The following TOP3A variants were observed in gnomAD, a reference collection of about 807,000 sequenced individuals.
TOP3A encodes the protein DNA topoisomerase III alpha.
A neutral mutation model predicts 111.3 loss-of-function variants in TOP3A; 64 were observed. The ratio of observed to expected loss-of-function variants is 0.57; its 90% CI spans 0.47 to 0.71. The LOEUF (loss-of-function observed/expected upper bound fraction) is 0.71. Among genes scored for constraint, TOP3A ranks in the 30% least tolerant of loss-of-function variants. TOP3A has a pLI of 0.00. For synonymous variants in TOP3A, 484 were observed against 485.1 expected, an observed-to-expected ratio of 1.00 and a Z score of 0.03; for missense variants, 1,104 against 1,285.0, an observed-to-expected ratio of 0.86 and a Z score of 2.15.
chr17:18,279,807 C>T (rs1979641985), intron 17 of TOP3A, among the ~76,000 whole-genome samples: 1 of 152,204 alleles, frequency 6.6e-6, no homozygotes, highest in Admixed American at 6.5e-5. Context: ...CTGCCTCAGC[C>T]TCCTGACCAG....
chr17:18,305,080 T>A, intron 5 of TOP3A, 32 bp downstream of exon 5: 1 of 1,574,562 alleles, frequency 6.4e-7, no homozygotes, highest in Non-Finnish European at 8.7e-7. Flanking sequence ...AGTTCCAAAG[T>A]AGAGAAAGTC....
chr17:18,282,846 A>G lies in TOP3A; in HGVS notation c.1878-5T>C. On this transcript the variant is annotated splice_polypyrimidine_tract_variant and splice_region_variant and intron_variant, in intron 15 of 18. Transcript: ENST00000321105. ...TGGGCCAAGGCCTCGTCCAATCTGA[A>G]GAAAAGGCAAAGACAGACACCCATC... 6.2e-7 allele frequency: 1 copy of G among 1,614,028 alleles called. No individual in the cohort carries two copies.
chr17:18,275,116 C>A, intron 18 of TOP3A, 136 bp from the exon 19 acceptor site: 1 of 1,301,094 alleles, frequency 7.7e-7, no homozygotes, highest in South Asian at 1.5e-5. Flanking sequence ...CCCAGGAGTT[C>A]AAGATCAGCC....
At position 18,273,860 on chromosome 17, in the gene TOP3A, G is replaced by A. The variant is rs984137793; in HGVS notation, c.*942C>T. On this transcript the variant is annotated 3_prime_UTR_variant, in exon 19 of 19. Transcript: ENST00000321105. ...GCTGGTCTTGAACTCCTGATCTCAA[G>A]CAATCCTCCAGCCTTGGCCTCCCTA... 1 of 152,240 alleles carries A rather than the reference G, an allele frequency of 6.6e-6. No individual in the cohort carries two copies. Among genetic ancestry groups the A allele is most frequent in the African/African-American group, 2.4e-5 (1 of 41,446 alleles). 9.4% of individuals were successfully genotyped at this position (152,240 alleles called of 1,614,324 possible).
intron 4 of TOP3A, among the ~76,000 whole-genome samples, chr17:18,306,345 C>T (rs1274665077): frequency 6.6e-6 from 1 of 152,140 alleles, no homozygotes; most frequent in Admixed American, 6.6e-5. Flanking sequence ...ATGGGGGCTA[C>T]GCGCTAATAA....
intron 5 of TOP3A, 110 bp from the exon 6 acceptor site, chr17:18,302,833 A>G (rs1981321835): frequency 7.4e-7 from 1 of 1,348,504 alleles, no homozygotes; most frequent in Non-Finnish European, 1.0e-6. Context: ...CAGTTCAAGA[A>G]GCTGTGAGAT....
At chr17:18,298,274 C>T (rs963623216) in intron 9 of TOP3A, among the ~76,000 whole-genome samples, 1 of 151,240 alleles carries the variant, frequency 6.6e-6, no homozygotes, top group Non-Finnish European at 1.5e-5. Context: ...CAGCAGCCAC[C>T]CCGTCTGGGA....
At chr17:18,288,149 A>ATATATATATATATATATATATATATAT (rs1301508954) in intron 13 of TOP3A, among the ~76,000 whole-genome samples, 3 of 121,868 alleles carry the variant, frequency 2.5e-5, no homozygotes, top group Non-Finnish European at 3.4e-5. Flanking sequence ...ATATATATAT[A>ATATATATATATATATATATATATATAT]AATTTTTTTT....
At chr17:18,277,459 C>T (rs916086195) in intron 18 of TOP3A, among the ~76,000 whole-genome samples, 1 of 152,232 alleles carries the variant, frequency 6.6e-6, no homozygotes, top group South Asian at 2.1e-4. Flanking sequence ...GCAAGTGACA[C>T]CATTACTGGT....
intron 5 of TOP3A, 125 bp from the exon 6 acceptor site, chr17:18,302,848 A>T: frequency 9.0e-7 from 1 of 1,114,016 alleles, no homozygotes; most frequent in South Asian, 1.6e-5. Context: ...TGAGATGACC[A>T]ATTTACCTAT....
chr17:18,310,074 G>GATGT (rs1310036733), intron 1 of TOP3A, among the ~76,000 whole-genome samples: 1 of 152,052 alleles, frequency 6.6e-6, no homozygotes, highest in African/African-American at 2.4e-5. Context: ...TCCATCAACT[G>GATGT]ATGTATGGTA....
chr17:18,290,610 G>C lies in TOP3A; in HGVS notation c.1544C>G (p.Pro515Arg), dbSNP rs747211857. 1 of 1,611,058 alleles carries C rather than the reference G, an allele frequency of 6.2e-7. No individual in the cohort carries two copies. Among genetic ancestry groups the C allele is most frequent in the East Asian group, 2.2e-5 (1 of 44,802 alleles). Residue 515 changes from proline to arginine, a missense_variant, in exon 13 of 19, where the codon CCC (proline) becomes CGC (arginine). Coordinates refer to ENST00000321105, the MANE Select transcript of TOP3A (RefSeq NM_004618.5). ...GAGGTCGGCCTCGGTGAGCAGCTTGGGTGGGCTGGTCTCCCCGTCCACCAT... is the reference window on the plus strand; with the variant it reads ...GAGGTCGGCCTCGGTGAGCAGCTTGCGTGGGCTGGTCTCCCCGTCCACCAT... ...VEMVDGETSP[P>R]KLLTEADLIA...
At chr17:18,290,217 C>T (rs953791713) in intron 13 of TOP3A, among the ~76,000 whole-genome samples, 4 of 152,240 alleles carry the variant, frequency 2.6e-5, no homozygotes, top group Non-Finnish European at 4.4e-5. Context: ...TGGTTCCTTA[C>T]ATGCTGTTCT....
At chr17:18,294,155 A>T (rs1245046770) in intron 10 of TOP3A, among the ~76,000 whole-genome samples, 1 of 152,184 alleles carries the variant, frequency 6.6e-6, no homozygotes, top group Non-Finnish European at 1.5e-5. Context: ...TGCCAGGGCC[A>T]CAGGGAGATG....
intron 5 of TOP3A, among the ~76,000 whole-genome samples, chr17:18,304,867 A>G (rs1981456207): frequency 6.6e-6 from 1 of 152,076 alleles, no homozygotes; most frequent in Admixed American, 6.6e-5. Context: ...CCACTCATTA[A>G]CTCATCTAAT....
intron 8 of TOP3A, among the ~76,000 whole-genome samples, chr17:18,300,163 C>T (rs920037472): frequency 3.6e-5 from 4 of 111,634 alleles, no homozygotes; most frequent in African/African-American, 1.7e-4. Flanking sequence ...TTTGGGAGGC[C>T]GAGGCGGGCG....
At position 18,294,754 on chromosome 17, in the gene TOP3A, C is replaced by T. The variant is rs149870245; in HGVS notation, c.1022G>A (p.Arg341Lys). Reference protein sequence around the residue: ...ELEKLASRKLRINAKETMRIA... With the variant: ...ELEKLASRKLKINAKETMRIA... ...CCTCATGGTTTCTTTAGCATTTATT[C>T]TCAACTTTCGAGAAGCCAGCTTCTC... Residue 341 changes from arginine (R) to lysine (K), a missense_variant, in exon 10 of 19, where the codon AGA (arginine) becomes AAA (lysine). Transcript: ENST00000321105. 7.6e-4 allele frequency: 1,219 copies of T among 1,614,028 alleles called. No homozygotes were observed. The highest frequency in any genetic ancestry group is 9.9e-4 in the Non-Finnish European group (1,174 of 1,179,946).
At chr17:18,284,590 C>G (rs1979974698) in intron 15 of TOP3A, among the ~76,000 whole-genome samples, 1 of 152,064 alleles carries the variant, frequency 6.6e-6, no homozygotes, top group Non-Finnish European at 1.5e-5. Context: ...ATATATATAT[C>G]TTATTATAAA....
Position 18,290,860 on chromosome 17 carries a change from A to G in TOP3A, c.1449T>C (p.Tyr483=). 6.2e-7 allele frequency: 1 copy of G among 1,614,220 alleles called. No homozygotes were observed. The highest frequency in any genetic ancestry group is 1.3e-5 in the African/African-American group (1 of 75,054). ...TTATTACCTTGTCACTCCAGTGATC[A>G]TATGGATACACATCCAGATAGTTTC... ...LARNYLDVYP[Y]DHWSDKILPV... The change falls in exon 12 of 19, where the codon TAT becomes TAC. Residue 483 remains tyrosine (Y), a synonymous_variant. Transcript: ENST00000321105.
Sources: allele counts gnomAD v4.1 joint callset (sites outside exome capture counted in the v4.1 genomes callset), GRCh38; gene constraint gnomAD v4.1.1; transcripts MANE v1.5; gene names NCBI Gene and HGNC (gene_info 2026-07-23, HGNC 2026-07-21).